The following RANBP17 variants were observed in gnomAD, a reference collection of about 807,000 sequenced individuals.
The protein encoded by RANBP17 is ran-binding protein 17.
In RANBP17, 158 loss-of-function variants were observed where a neutral mutation model predicts 141.2. The ratio of observed to expected loss-of-function variants is 1.12; its 90% CI spans 0.98 to 1.28. The LOEUF (loss-of-function observed/expected upper bound fraction) is 1.28. Among genes scored for constraint, RANBP17 ranks in the 50% most tolerant of loss-of-function variants. RANBP17 has a pLI of 0.00. For missense variants in RANBP17, 1,438 were observed against 1,290.7 expected (o/e 1.11, Z -1.75); for synonymous variants, 430 against 450.0 (o/e 0.96, Z 0.56).
At chr5:171,185,965 T>C (rs1000701594) in intron 18 of RANBP17, among the ~76,000 whole-genome samples, 5 of 152,224 alleles carry the variant, frequency 3.3e-5, no homozygotes. Context: ...ACAGTGGGCT[T>C]AAAATTTTCA....
chr5:171,220,380 G>A (rs370509902), intron 21 of RANBP17, among the ~76,000 whole-genome samples: 80 of 151,068 alleles, frequency 5.3e-4, no homozygotes, highest in African/African-American at 1.7e-3. Context: ...CATTGGTCTC[G>A]CTGGGAGCTG....
chr5:171,066,434 G>A (rs1784316946), intron 14 of RANBP17, among the ~76,000 whole-genome samples: 1 of 152,040 alleles, frequency 6.6e-6, no homozygotes, highest in African/African-American at 2.4e-5. Flanking sequence ...ACCTTTCTGT[G>A]GATAGCTTAT....
intron 11 of RANBP17, among the ~76,000 whole-genome samples, chr5:170,920,263 CATTTTGCATTCCCG>C (rs1772323647): frequency 6.6e-6 from 1 of 152,058 alleles, no homozygotes; most frequent in South Asian, 2.1e-4. Flanking sequence ...GTGGCTGTAC[CATTTTGCATTCCCG>C]CTCACAATGT....
At chr5:170,873,029 A>C (rs1317070042) in intron 1 of RANBP17, among the ~76,000 whole-genome samples, 1 of 152,034 alleles carries the variant, frequency 6.6e-6, no homozygotes, top group Non-Finnish European at 1.5e-5. Context: ...CTTCTGCCTT[A>C]GCTTCCCAAG....
In RANBP17 at chr5:171,026,560, C is replaced by A. The variant is rs145081115; in HGVS notation, c.1710+58183C>A. On this transcript the variant is annotated intron_variant, in intron 14 of 27. Coordinates refer to ENST00000523189, the MANE Select transcript of RANBP17 (RefSeq NM_022897.5). ...ATCTAGACATACCAGCTTATATATTCATTAATTAATAATTTATATTCACAC... is the reference window on the plus strand; with the variant it reads ...ATCTAGACATACCAGCTTATATATTAATTAATTAATAATTTATATTCACAC... Among the ~76,000 whole-genome samples the A allele has an allele frequency of 6.0e-3, 902 of 151,424 alleles. 8 individuals are homozygous for A. The highest frequency in any genetic ancestry group is 0.021 in the African/African-American group (860 of 40,828).
intron 14 of RANBP17, among the ~76,000 whole-genome samples, chr5:171,112,008 T>C (rs905323105): frequency 6.6e-6 from 1 of 152,218 alleles, no homozygotes; most frequent in African/African-American, 2.4e-5. Context: ...GTAATGTTTT[T>C]ATAAAATAAT....
intron 14 of RANBP17, among the ~76,000 whole-genome samples, chr5:170,979,770 A>G (rs746176865): frequency 3.9e-5 from 6 of 152,194 alleles, no homozygotes; most frequent in Non-Finnish European, 4.4e-5. Context: ...TAAATTGCCC[A>G]GTTTCAGGTA....
chr5:171,227,180 T>G (rs760228201), intron 22 of RANBP17, among the ~76,000 whole-genome samples: 12 of 152,258 alleles, frequency 7.9e-5, no homozygotes, highest in Non-Finnish European at 1.5e-5. Flanking sequence ...GAAGAAGGCA[T>G]GTCAAATGCT....
intron 14 of RANBP17, among the ~76,000 whole-genome samples, chr5:171,006,775 T>G (rs867049368): frequency 1.3e-5 from 2 of 151,786 alleles, no homozygotes; most frequent in African/African-American, 2.4e-5. Flanking sequence ...GTCGGCCTTC[T>G]GGCCCCTCTG....
At chr5:170,988,399 T>G (rs1415725534) in intron 14 of RANBP17, among the ~76,000 whole-genome samples, 1 of 150,314 alleles carries the variant, frequency 6.7e-6, no homozygotes, top group Non-Finnish European at 1.5e-5. Context: ...ATTCTAGGAA[T>G]AAGAATAATA....
chr5:170,902,087 G>T (rs1392499403), intron 5 of RANBP17, among the ~76,000 whole-genome samples: 1 of 152,186 alleles, frequency 6.6e-6, no homozygotes, highest in Non-Finnish European at 1.5e-5. Flanking sequence ...GGTTGGGGAA[G>T]TTCTCCTGGA....
intron 13 of RANBP17, among the ~76,000 whole-genome samples, chr5:170,965,602 C>T (rs958995789): frequency 1.3e-5 from 2 of 152,144 alleles, no homozygotes; most frequent in Admixed American, 6.5e-5. Flanking sequence ...GATCCAGTTT[C>T]AGCTTTCTAT....
At chr5:171,171,065 C>A (rs76613514) in intron 15 of RANBP17, 141 bp from the exon 16 acceptor site, 25,782 of 534,756 alleles carry the variant, frequency 0.048, 799 homozygotes, top group East Asian at 0.11. Flanking sequence ...AAAGAATAGA[C>A]AATGTTTTTG....
chr5:171,078,927 T>C (rs977875957), intron 14 of RANBP17, among the ~76,000 whole-genome samples: 2 of 152,234 alleles, frequency 1.3e-5, no homozygotes, highest in South Asian at 2.1e-4. Flanking sequence ...GTTTTGACTT[T>C]CAGGTCTTAT....
At chr5:170,975,398 A>G (rs1319851660) in intron 14 of RANBP17, among the ~76,000 whole-genome samples, 1 of 152,118 alleles carries the variant, frequency 6.6e-6, no homozygotes, top group Non-Finnish European at 1.5e-5. Flanking sequence ...GCGTGGTGGC[A>G]CGTGCCTGTA....
In RANBP17 at chr5:171,222,985, T is replaced by C. The variant is rs189913925; in HGVS notation, c.2422+1145T>C. On this transcript the variant is annotated intron_variant, in intron 22 of 27. Transcript: ENST00000523189. Reference sequence around the variant, plus strand: ...ATTGTACAAAATTTTGTAAAATCTCTTTATTTTAATTCTGTATGTGTTTGT... The same window carrying C: ...ATTGTACAAAATTTTGTAAAATCTCCTTATTTTAATTCTGTATGTGTTTGT... Among the ~76,000 whole-genome samples, 841 of 152,308 alleles carry C rather than the reference T, an allele frequency of 5.5e-3. 10 individuals carry two copies. The highest frequency in any genetic ancestry group is 0.015 in the African/African-American group (635 of 41,552).
chr5:171,189,533 A>G (rs2127937007), intron 18 of RANBP17, among the ~76,000 whole-genome samples: 1 of 152,372 alleles, frequency 6.6e-6, no homozygotes, highest in Non-Finnish European at 1.5e-5. Context: ...ACAAGTATAC[A>G]GTAACCAAGA....
chr5:171,276,789 G>A (rs937395876), intron 25 of RANBP17, among the ~76,000 whole-genome samples: 1 of 152,074 alleles, frequency 6.6e-6, no homozygotes, highest in Admixed American at 6.6e-5. Flanking sequence ...AATTAGGCAT[G>A]CTTTATAACA....
rs115339071 is a variant in RANBP17 at position 171,106,701 on chromosome 5, A to G, written c.1711-63429A>G. Among the ~76,000 whole-genome samples the G allele has an allele frequency of 1.5e-3, 236 of 152,298 alleles. 2 individuals are homozygous for G. Among genetic ancestry groups the G allele is most frequent in the African/African-American group, 5.6e-3 (232 of 41,562 alleles). ...TCAAAATCTTCACATGGTTCTCAATACTGGTTTTACAATATAATCACACGA... is the reference window on the plus strand; with the variant it reads ...TCAAAATCTTCACATGGTTCTCAATGCTGGTTTTACAATATAATCACACGA... On this transcript the variant is annotated intron_variant, in intron 14 of 27. Transcript: ENST00000523189.
Sources: allele counts gnomAD v4.1 joint callset (sites outside exome capture counted in the v4.1 genomes callset), GRCh38; gene constraint gnomAD v4.1.1; transcripts MANE v1.5; gene names NCBI Gene and HGNC (gene_info 2026-07-23, HGNC 2026-07-21).